Variants in DNM3 observed in about 807,000 individuals in gnomAD.
DNM3 encodes the protein dynamin 3, also known as dynamin-3.
DNM3 carries 47 observed loss-of-function variants against 101.6 expected under a neutral mutation model. The ratio of observed to expected loss-of-function variants is 0.46; its 90% CI spans 0.37 to 0.59. DNM3 has a LOEUF of 0.59. Among genes scored for constraint, DNM3 ranks in the 20% least tolerant of loss-of-function variants. The pLI is 0.00. For synonymous variants in DNM3, 385 were observed against 387.9 expected, an observed-to-expected ratio of 0.99 and a Z score of 0.09; for missense variants, 849 against 1,085.7, an observed-to-expected ratio of 0.78 and a Z score of 3.06.
At chr1:171,902,343 T>A (rs2038433116) in intron 1 of DNM3, among the ~76,000 whole-genome samples, 1 of 152,246 alleles carries the variant, frequency 6.6e-6, no homozygotes, top group Non-Finnish European at 1.5e-5. Flanking sequence ...AAAATCAGAC[T>A]TTTGTAAAAT....
chr1:172,188,046 A>T (rs1351631348), intron 14 of DNM3, among the ~76,000 whole-genome samples: 1 of 152,106 alleles, frequency 6.6e-6, no homozygotes, highest in African/African-American at 2.4e-5. Context: ...AAAACTCAAT[A>T]AAAAATATGC....
chr1:172,190,266 G>A (rs1330057168), intron 14 of DNM3, among the ~76,000 whole-genome samples: 1 of 152,066 alleles, frequency 6.6e-6, no homozygotes, highest in Non-Finnish European at 1.5e-5. Flanking sequence ...TGCGGTGTTT[G>A]GTTTTCTGTC....
chr1:171,980,766 GA>G (rs1223230944), intron 2 of DNM3, among the ~76,000 whole-genome samples: 8 of 133,098 alleles, frequency 6.0e-5, no homozygotes, highest in Admixed American at 1.7e-4. Context: ...GAAATCTACA[GA>G]TTTTTTTTTT....
intron 14 of DNM3, among the ~76,000 whole-genome samples, chr1:172,226,694 TCAAC>T (rs1394792043): frequency 6.6e-6 from 1 of 152,182 alleles, no homozygotes; most frequent in Non-Finnish European, 1.5e-5. Flanking sequence ...CAATAAGCAC[TCAAC>T]CAATGTTAAC....
chr1:172,111,577 T>C (rs2147948619), intron 13 of DNM3, among the ~76,000 whole-genome samples: 1 of 152,332 alleles, frequency 6.6e-6, no homozygotes, highest in East Asian at 1.9e-4. Flanking sequence ...TAAGTTCACA[T>C]AGCTAGTAAA....
At chr1:172,107,950 A>G (rs2055181710) in intron 13 of DNM3, among the ~76,000 whole-genome samples, 1 of 152,096 alleles carries the variant, frequency 6.6e-6, no homozygotes. Context: ...GTCCTGTATT[A>G]TGTATTCATA....
intron 2 of DNM3, among the ~76,000 whole-genome samples, chr1:171,967,756 C>T (rs1029789686): frequency 6.6e-6 from 1 of 152,082 alleles, no homozygotes; most frequent in African/African-American, 2.4e-5. Flanking sequence ...ATAAGACAAC[C>T]TTTGTTCTGT....
At chr1:172,035,711 G>A (rs560627951) in intron 6 of DNM3, among the ~76,000 whole-genome samples, 32 of 152,226 alleles carry the variant, frequency 2.1e-4, no homozygotes, top group Admixed American at 1.0e-3. Context: ...GTGGTTGCTG[G>A]TTCTGTTAGA....
chr1:171,898,724 CAT>C (rs2038038099), intron 1 of DNM3, among the ~76,000 whole-genome samples: 2 of 138,762 alleles, frequency 1.4e-5, no homozygotes, highest in Non-Finnish European at 3.2e-5. Context: ...AGAGAGAAAT[CAT>C]ATTGTACATT....
downstream of DNM3, among the ~76,000 whole-genome samples, chr1:172,413,116 G>A (rs2071301790): frequency 6.6e-6 from 1 of 152,198 alleles, no homozygotes; most frequent in Non-Finnish European, 1.5e-5. Flanking sequence ...TAGGTCCACA[G>A]AAGGCATTTC....
At chr1:172,415,564 C>T (rs894695510), downstream of DNM3, among the ~76,000 whole-genome samples, 1 of 127,414 alleles carries the variant, frequency 7.8e-6, no homozygotes, top group Admixed American at 9.1e-5. Context: ...GAGTCTCACT[C>T]TGTTGCCCAG....
intron 2 of DNM3, among the ~76,000 whole-genome samples, chr1:171,930,500 G>GT (rs2040919348): frequency 6.6e-6 from 1 of 152,178 alleles, no homozygotes; most frequent in Non-Finnish European, 1.5e-5. Context: ...TGGCTGCTCT[G>GT]CTGAGATTCC....
chr1:172,058,909 G>T (rs888928472), intron 10 of DNM3, among the ~76,000 whole-genome samples: 1 of 152,070 alleles, frequency 6.6e-6, no homozygotes, highest in African/African-American at 2.4e-5. Flanking sequence ...TCCAGGAGCT[G>T]GTTTTTTGAA....
At chr1:172,401,799 A>T (rs985517068) in intron 20 of DNM3, among the ~76,000 whole-genome samples, 1 of 152,326 alleles carries the variant, frequency 6.6e-6, no homozygotes, top group Admixed American at 6.5e-5. Flanking sequence ...TAAATTATAA[A>T]ATATTATCTT....
chr1:172,377,673 C>T (rs956259218), intron 17 of DNM3, among the ~76,000 whole-genome samples: 12 of 151,078 alleles, frequency 7.9e-5, no homozygotes, highest in Admixed American at 7.3e-4. Context: ...CTTTCTCTTA[C>T]AAGTAGGCTT....
chr1:172,405,430 T>A (rs1314280080), intron 20 of DNM3, among the ~76,000 whole-genome samples: 2 of 151,936 alleles, frequency 1.3e-5, no homozygotes, highest in Middle Eastern at 3.2e-3. Context: ...AACTATGGGA[T>A]GGTCCAGAAG....
chr1:171,914,956 T>C (rs987069413), intron 1 of DNM3, among the ~76,000 whole-genome samples: 1 of 151,870 alleles, frequency 6.6e-6, no homozygotes, highest in Admixed American at 6.6e-5. Context: ...CCAGAGAAGA[T>C]GACATGCAGC....
intron 4 of DNM3, 108 bp downstream of exon 4, chr1:171,989,256 C>A (rs1460295627): frequency 4.4e-6 from 4 of 908,968 alleles, no homozygotes; most frequent in Non-Finnish European, 6.2e-6. Context: ...AATAAATTAG[C>A]CATTATTAAT....
At chr1:172,093,357 T>A (rs779318583) in intron 13 of DNM3, among the ~76,000 whole-genome samples, 25 of 152,334 alleles carry the variant, frequency 1.6e-4, no homozygotes, top group Admixed American at 7.2e-4. Flanking sequence ...AATGAAGATG[T>A]TAATTCCTAA....
Sources: allele counts gnomAD v4.1 joint callset (sites outside exome capture counted in the v4.1 genomes callset), GRCh38; gene constraint gnomAD v4.1.1; transcripts MANE v1.5; gene names NCBI Gene and HGNC (gene_info 2026-07-23, HGNC 2026-07-21).